The following GIGYF2 variants were observed in gnomAD, a reference collection of about 807,000 sequenced individuals.
The protein encoded by GIGYF2 is GRB10 interacting GYF protein 2.
GIGYF2 carries 25 observed loss-of-function variants against 208.1 expected under a neutral mutation model. The observed-to-expected ratio is 0.12, with a 90% CI of 0.09 to 0.17. The LOEUF (loss-of-function observed/expected upper bound fraction) is 0.17, where lower values mean the gene tolerates loss of function less well. Ranked by LOEUF, GIGYF2 falls within the 10% of genes least tolerant of loss-of-function variation. GIGYF2 has a pLI of 1.00. For synonymous variants in GIGYF2, 534 were observed against 543.8 expected, an observed-to-expected ratio of 0.98 and a Z score of 0.25; for missense variants, 1,302 against 1,579.4, an observed-to-expected ratio of 0.82 and a Z score of 2.98.
intron 18 of GIGYF2, among the ~76,000 whole-genome samples, chr2:232,813,691 T>C (rs1165232719): frequency 1.3e-5 from 2 of 152,110 alleles, no homozygotes; most frequent in African/African-American, 4.8e-5. Context: ...CCCCGCAGAT[T>C]ATTGCAGAAG....
intron 8 of GIGYF2, among the ~76,000 whole-genome samples, chr2:232,763,575 A>G (rs879940704): frequency 5.3e-5 from 8 of 152,164 alleles, no homozygotes; most frequent in African/African-American, 1.4e-4. Flanking sequence ...CTGTAATCCT[A>G]GAACTTTGGG....
intron 14 of GIGYF2, among the ~76,000 whole-genome samples, chr2:232,797,981 C>CAAAAAAAAAAAAA (rs57991158): frequency 3.9e-5 from 4 of 102,388 alleles, no homozygotes; most frequent in African/African-American, 1.5e-4. Context: ...ACTGTGCCTC[C>CAAAAAAAAAAAAA]AAAAAAAAAA....
chr2:232,708,489 C>T (rs1559373254), intron 2 of GIGYF2, among the ~76,000 whole-genome samples: 1 of 151,890 alleles, frequency 6.6e-6, no homozygotes, highest in Non-Finnish European at 1.5e-5. Context: ...AGTACCATAT[C>T]AATATGTAGT....
chr2:232,779,220 C>T (rs1408553016), intron 8 of GIGYF2, among the ~76,000 whole-genome samples: 1 of 152,106 alleles, frequency 6.6e-6, no homozygotes, highest in Non-Finnish European at 1.5e-5. Context: ...TAAAACATTT[C>T]TTCGGTGAAT....
At chr2:232,729,233 G>A (rs188530256) in intron 2 of GIGYF2, among the ~76,000 whole-genome samples, 1 of 152,270 alleles carries the variant, frequency 6.6e-6, no homozygotes, top group East Asian at 1.9e-4. Flanking sequence ...GCATGCCTCA[G>A]CTTCCCAAAG....
At chr2:232,702,974 G>A (rs979989327) in intron 1 of GIGYF2, among the ~76,000 whole-genome samples, 1 of 152,004 alleles carries the variant, frequency 6.6e-6, no homozygotes, top group Non-Finnish European at 1.5e-5. Flanking sequence ...TTTTGTAGAG[G>A]TGGGGTTTTG....
At chr2:232,842,495 T>G (rs925180431) in intron 23 of GIGYF2, among the ~76,000 whole-genome samples, 2 of 152,222 alleles carry the variant, frequency 1.3e-5, no homozygotes, top group African/African-American at 4.8e-5. Context: ...GATAGCTTCT[T>G]AAAAAGCCAA....
intron 13 of GIGYF2, 33 bp downstream of exon 13, chr2:232,794,977 T>C: frequency 6.8e-7 from 1 of 1,479,126 alleles, no homozygotes; most frequent in African/African-American, 1.4e-5. Flanking sequence ...TTGTCTCCTC[T>C]TAAACTGCCG....
At chr2:232,809,617 A>G (rs1700670348) in intron 15 of GIGYF2, 103 bp from the exon 16 acceptor site, 1 of 759,652 alleles carries the variant, frequency 1.3e-6, no homozygotes, top group Non-Finnish European at 2.4e-6. Context: ...CTGGGAGGTA[A>G]AGGTCTTAGA....
chr2:232,858,797 T>C lies in GIGYF2; in HGVS notation c.*1937T>C. 1 of 312,870 alleles carries C rather than the reference T, an allele frequency of 3.2e-6. No individual in the cohort carries two copies. Among genetic ancestry groups the C allele is most frequent in the South Asian group, 2.9e-5 (1 of 35,060 alleles). 19.4% of individuals were successfully genotyped at this position (312,870 alleles called of 1,614,324 possible). ...GGTTCTGTATTTGAGAATGTAGAGG[T>C]CAAGGCAGATGTCGGTAAGTTTGAC... is the stretch of plus-strand genomic sequence containing the variant. On this transcript the variant is annotated 3_prime_UTR_variant, in exon 29 of 29. Coordinates refer to ENST00000373563, the MANE Select transcript of GIGYF2 (RefSeq NM_001103146.3).
intron 2 of GIGYF2, chr2:232,730,180 T>C (rs1697398403): frequency 8.0e-6 from 12 of 1,491,122 alleles, no homozygotes; most frequent in Non-Finnish European, 1.1e-5. Context: ...GCAGGGCTTT[T>C]CAGGTCTCTG....
intron 2 of GIGYF2, among the ~76,000 whole-genome samples, chr2:232,719,309 G>A (rs1052823438): frequency 2.0e-5 from 3 of 152,158 alleles, no homozygotes; most frequent in African/African-American, 7.2e-5. Flanking sequence ...GCTGGAATCT[G>A]ACTCAGCACC....
intron 3 of GIGYF2, among the ~76,000 whole-genome samples, chr2:232,744,060 G>T (rs963659027): frequency 6.6e-6 from 1 of 152,010 alleles, no homozygotes; most frequent in African/African-American, 2.4e-5. Flanking sequence ...TGCCTGGACT[G>T]GTCTCAAACT....
Position 232,845,164 on chromosome 2 carries a change from G to A in GIGYF2, c.3306-568G>A, listed in dbSNP as rs568955252. Among the ~76,000 whole-genome samples the A allele has an allele frequency of 2.0e-5, 3 of 152,288 alleles. No homozygotes were observed. The East Asian group carries it at 5.8e-4, about 29-fold the overall frequency. ...GCCTCAGTTCCCTCATCGGTAAAAT[G>A]AAGATAATAATAACAACTTTATGCA... On this transcript the variant is annotated intron_variant, in intron 25 of 28. Coordinates refer to ENST00000373563, the MANE Select transcript of GIGYF2 (RefSeq NM_001103146.3).
At chr2:232,701,117 A>G (rs1172330983) in intron 1 of GIGYF2, among the ~76,000 whole-genome samples, 1 of 152,170 alleles carries the variant, frequency 6.6e-6, no homozygotes, top group Admixed American at 6.5e-5. Context: ...AAGCAGAAAG[A>G]GGTTTGAAAA....
intron 2 of GIGYF2, chr2:232,729,406 C>T: frequency 2.2e-6 from 1 of 464,258 alleles, no homozygotes; most frequent in Non-Finnish European, 3.5e-6. Flanking sequence ...GAACACTGTT[C>T]TGAGTAATGC....
intron 6 of GIGYF2, among the ~76,000 whole-genome samples, chr2:232,758,799 G>A (rs1022744452): frequency 6.6e-6 from 1 of 152,098 alleles, no homozygotes; most frequent in African/African-American, 2.4e-5. Flanking sequence ...CTGAGCAAAT[G>A]GCTTTCTCTA....
intron 23 of GIGYF2, 88 bp downstream of exon 23, chr2:232,840,059 T>G (rs775395396): frequency 2.0e-5 from 27 of 1,321,414 alleles, no homozygotes; most frequent in African/African-American, 2.9e-5. Flanking sequence ...TGAGGACAAT[T>G]ACTGTCAGAA....
chr2:232,738,359 T>C (rs541841098), intron 3 of GIGYF2, among the ~76,000 whole-genome samples: 1 of 152,354 alleles, frequency 6.6e-6, no homozygotes, highest in African/African-American at 2.4e-5. Flanking sequence ...TGTCTACATA[T>C]AAAGCAATAG....
Sources: allele counts gnomAD v4.1 joint callset (sites outside exome capture counted in the v4.1 genomes callset), GRCh38; gene constraint gnomAD v4.1.1; transcripts MANE v1.5; gene names NCBI Gene and HGNC (gene_info 2026-07-23, HGNC 2026-07-21).